The following ZNF350 variants were observed in gnomAD, a reference collection of about 807,000 sequenced individuals.
The protein encoded by ZNF350 is zinc finger protein 350.
Under a neutral mutation model 13.1 loss-of-function variants are expected in ZNF350, and 5 were observed. That is an observed-to-expected ratio of 0.38 (90% CI 0.20 to 0.80). The LOEUF is 0.80. Ranked by LOEUF, ZNF350 falls within the 30% of genes least tolerant of loss-of-function variation. The pLI, the probability that ZNF350 is intolerant of heterozygous loss-of-function variation, is 0.43. For synonymous variants in ZNF350, 199 were observed against 224.2 expected, an observed-to-expected ratio of 0.89 and a Z score of 1.00; for missense variants, 534 against 644.2, an observed-to-expected ratio of 0.83 and a Z score of 1.85.
intron 1 of ZNF350, among the ~76,000 whole-genome samples, chr19:51,980,455 T>G (rs1294855711): frequency 6.6e-6 from 1 of 152,160 alleles, no homozygotes; most frequent in Non-Finnish European, 1.5e-5. Flanking sequence ...TATTCAAACA[T>G]CTCAGTAGGT....
intron 2 of ZNF350, chr19:51,973,031 C>G (rs1476528026): frequency 6.8e-6 from 1 of 147,742 alleles, no homozygotes; most frequent in Non-Finnish European, 1.5e-5. Context: ...ACTGCAATTT[C>G]CGTCTCCTGG....
intron 1 of ZNF350, among the ~76,000 whole-genome samples, chr19:51,984,430 G>T (rs2086124221): frequency 6.6e-6 from 1 of 152,168 alleles, no homozygotes; most frequent in Admixed American, 6.5e-5. Flanking sequence ...TAGGGGAACT[G>T]TAAGTGGTAC....
At chr19:51,986,030 A>T (rs574329305) in intron 1 of ZNF350, among the ~76,000 whole-genome samples, 8 of 152,232 alleles carry the variant, frequency 5.3e-5, no homozygotes, top group Admixed American at 3.9e-4. Flanking sequence ...AAATAAATAA[A>T]AAATAAAAGA....
At chr19:51,966,974 G>T (rs2085599750) in intron 4 of ZNF350, among the ~76,000 whole-genome samples, 1 of 152,024 alleles carries the variant, frequency 6.6e-6, no homozygotes, top group Non-Finnish European at 1.5e-5. Context: ...TTAATGCCTT[G>T]ATGTGAGGTG....
intron 1 of ZNF350, among the ~76,000 whole-genome samples, chr19:51,983,258 G>A (rs1018751933): frequency 3.3e-5 from 5 of 152,292 alleles, no homozygotes; most frequent in East Asian, 1.9e-4. Flanking sequence ...GCGGAAGGCC[G>A]CAGGGACCTC....
In ZNF350 at chr19:51,975,901, G is replaced by A. The variant is rs868254032; in HGVS notation, c.-171-1370C>T. Among the ~76,000 whole-genome samples the A allele has an allele frequency of 4.5e-4, 68 of 152,226 alleles. 1 individual carries two copies. The highest frequency in any genetic ancestry group is 4.8e-4 in the African/African-American group (20 of 41,462). On this transcript the variant is annotated intron_variant, in intron 1 of 4. Coordinates refer to ENST00000243644, the MANE Select transcript of ZNF350 (RefSeq NM_021632.4). ...GCAGGGAGCCGAAGGCTCGTGGCCC[G>A]TGGGACGTGACCAACTCAGCATTCC...
At chr19:51,983,345 A>T (rs554536917) in intron 1 of ZNF350, among the ~76,000 whole-genome samples, 5 of 152,304 alleles carry the variant, frequency 3.3e-5, no homozygotes, top group African/African-American at 1.2e-4. Flanking sequence ...TGGGAAGGGA[A>T]AAACCTGACC....
At chr19:51,972,732 G>A (rs2085776553) in intron 2 of ZNF350, among the ~76,000 whole-genome samples, 1 of 151,840 alleles carries the variant, frequency 6.6e-6, no homozygotes, top group Non-Finnish European at 1.5e-5. Context: ...TCCACAAACA[G>A]ATACAGTGAC....
intron 4 of ZNF350, among the ~76,000 whole-genome samples, chr19:51,966,871 T>A (rs1568477362): frequency 6.6e-6 from 1 of 151,088 alleles, no homozygotes; most frequent in Non-Finnish European, 1.5e-5. Flanking sequence ...GATCTCGAAC[T>A]CCCGACCTCA....
At chr19:51,969,293 G>A in intron 2 of ZNF350, 162 bp from the exon 3 acceptor site, 1 of 766,220 alleles carries the variant, frequency 1.3e-6, no homozygotes, top group African/African-American at 1.8e-5. Context: ...ATAATATTCT[G>A]TAACTGTATA....
At chr19:51,979,995 T>C (rs2085994198) in intron 1 of ZNF350, among the ~76,000 whole-genome samples, 1 of 152,228 alleles carries the variant, frequency 6.6e-6, no homozygotes, top group African/African-American at 2.4e-5. Context: ...CATTTATGAA[T>C]GGCAACATCT....
chr19:51,974,288 C>T, intron 2 of ZNF350, 58 bp downstream of exon 2: 2 of 1,582,568 alleles, frequency 1.3e-6, no homozygotes, highest in Admixed American at 1.7e-5. Context: ...TGTTTATAGG[C>T]TTCTACAAAT....
intron 1 of ZNF350, among the ~76,000 whole-genome samples, chr19:51,981,522 G>A (rs982706582): frequency 9.2e-5 from 14 of 152,082 alleles, no homozygotes; most frequent in East Asian, 3.9e-4. Context: ...CTTCAACTCC[G>A]GATCTCATCA....
chr19:51,968,696 G>T, intron 3 of ZNF350, 23 bp from the exon 4 acceptor site: 1 of 1,605,974 alleles, frequency 6.2e-7, no homozygotes, highest in Non-Finnish European at 8.5e-7. Context: ...AATGATAGAG[G>T]ACTTAGACAT....
intron 2 of ZNF350, chr19:51,973,656 C>T (rs1423007687): frequency 1.3e-5 from 2 of 152,204 alleles, no homozygotes; most frequent in African/African-American, 4.8e-5. Flanking sequence ...TCCCTGTCTC[C>T]AAATCTATAT....
At chr19:51,969,389 C>T (rs919421872) in intron 2 of ZNF350, among the ~76,000 whole-genome samples, 6 of 151,638 alleles carry the variant, frequency 4.0e-5, no homozygotes, top group African/African-American at 1.5e-4. Flanking sequence ...TATATTTATA[C>T]ATTTTATATA....
intron 1 of ZNF350, among the ~76,000 whole-genome samples, chr19:51,975,400 G>A (rs897808154): frequency 2.4e-4 from 32 of 133,098 alleles, no homozygotes; most frequent in Non-Finnish European, 1.1e-4. Context: ...TTGTACTCCA[G>A]TCTGGTCAAA....
chr19:51,981,711 GAGAGAA>G (rs748389723), intron 1 of ZNF350, among the ~76,000 whole-genome samples: 32 of 152,230 alleles, frequency 2.1e-4, no homozygotes, highest in Non-Finnish European at 3.7e-4. Flanking sequence ...AGAATTAACA[GAGAGAA>G]AGAGAAACAA....
At chr19:51,974,147 T>C (rs755155941) in intron 2 of ZNF350, 199 bp downstream of exon 2, 1 of 489,988 alleles carries the variant, frequency 2.0e-6, no homozygotes, top group Non-Finnish European at 3.6e-6. Context: ...AAATTCATAA[T>C]TTAGTGTTAA....
Sources: allele counts gnomAD v4.1 joint callset (sites outside exome capture counted in the v4.1 genomes callset), GRCh38; gene constraint gnomAD v4.1.1; transcripts MANE v1.5; gene names NCBI Gene and HGNC (gene_info 2026-07-23, HGNC 2026-07-21).